The following EIF4E2 variants were observed in gnomAD, a reference collection of about 807,000 sequenced individuals.
EIF4E2 encodes eukaryotic translation initiation factor 4E family member 2.
A neutral mutation model predicts 34.2 loss-of-function variants in EIF4E2; 13 were observed. The ratio of observed to expected loss-of-function variants is 0.38; its 90% confidence interval spans 0.25 to 0.60. The LOEUF (loss-of-function observed/expected upper bound fraction) is 0.60. Among genes scored for constraint, EIF4E2 ranks in the 20% least tolerant of loss-of-function variants. The pLI is 0.62. For synonymous variants in EIF4E2, 100 were observed against 106.6 expected (o/e 0.94, Z 0.38); for missense variants, 222 against 315.1 (o/e 0.70, Z 2.24).
chr2:232,573,843 G>C (rs1192095468), downstream of EIF4E2: 1 of 354,014 alleles, frequency 2.8e-6, no homozygotes, highest in Non-Finnish European at 5.6e-6. Context: ...TTTACCCTCA[G>C]TGAGGCCTGA....
At chr2:232,576,009 T>C (rs182585964) in intron 6 of EIF4E2, among the ~76,000 whole-genome samples, 5 of 152,090 alleles carry the variant, frequency 3.3e-5, no homozygotes, top group Non-Finnish European at 5.9e-5. Context: ...ATCGAGACCA[T>C]CCTGGCCAAC....
chr2:232,568,898 C>G (rs1235628324), intron 6 of EIF4E2, 47 bp from the exon 7 acceptor site: 3 of 1,613,052 alleles, frequency 1.9e-6, no homozygotes, highest in Non-Finnish European at 2.5e-6. Flanking sequence ...CCTTGCGTCC[C>G]CCTCTCTTTC....
At chr2:232,573,927 G>C (rs556456871), downstream of EIF4E2, 1 of 471,008 alleles carries the variant, frequency 2.1e-6, no homozygotes, top group African/African-American at 2.0e-5. Context: ...ACTGTAAATT[G>C]GAAGTGTTTT....
intron 3 of EIF4E2, among the ~76,000 whole-genome samples, chr2:232,559,824 T>TAA (rs576233672): frequency 1.0e-4 from 12 of 115,504 alleles, no homozygotes; most frequent in Non-Finnish European, 1.8e-4. Flanking sequence ...ACGGGAGCAT[T>TAA]AAAAAAAAAA....
chr2:232,558,165 A>C (rs974371869), intron 3 of EIF4E2, 147 bp downstream of exon 3: 72 of 1,040,456 alleles, frequency 6.9e-5, no homozygotes, highest in Admixed American at 3.0e-4. Context: ...AGATTTGTTC[A>C]TTCTTAGGTT....
intron 3 of EIF4E2, among the ~76,000 whole-genome samples, chr2:232,562,081 G>A (rs1476678183): frequency 6.6e-6 from 1 of 152,002 alleles, no homozygotes; most frequent in Admixed American, 6.6e-5. Flanking sequence ...TGGGCATGGT[G>A]GTGCCCACTT....
At chr2:232,571,303 A>C (rs922373788), downstream of EIF4E2, among the ~76,000 whole-genome samples, 1 of 152,210 alleles carries the variant, frequency 6.6e-6, no homozygotes, top group Non-Finnish European at 1.5e-5. Flanking sequence ...GACGTGGACA[A>C]CTTGTTAAAC....
chr2:232,568,086 A>G, intron 6 of EIF4E2: 2 of 985,420 alleles, frequency 2.0e-6, no homozygotes. Context: ...AGGCTGATTT[A>G]ATCTTTAACT....
At chr2:232,560,984 G>T (rs752939761) in intron 3 of EIF4E2, among the ~76,000 whole-genome samples, 1 of 152,152 alleles carries the variant, frequency 6.6e-6, no homozygotes, top group East Asian at 1.9e-4. Context: ...TCCTGTCCTT[G>T]GGGAAATAAG....
chr2:232,551,909 G>A (rs1559310892), intron 1 of EIF4E2, among the ~76,000 whole-genome samples: 3 of 152,010 alleles, frequency 2.0e-5, no homozygotes, highest in Non-Finnish European at 4.4e-5. Context: ...GAAAGTCTTT[G>A]CCCGACCTCT....
intron 6 of EIF4E2, 189 bp downstream of exon 6, chr2:232,567,403 AC>A (rs1169486390): frequency 7.1e-7 from 1 of 1,405,260 alleles, no homozygotes; most frequent in African/African-American, 1.5e-5. Context: ...CACCTATACT[AC>A]CAGGTGCTTT....
At chr2:232,560,560 G>C (rs1692687794) in intron 3 of EIF4E2, among the ~76,000 whole-genome samples, 1 of 152,150 alleles carries the variant, frequency 6.6e-6, no homozygotes, top group Non-Finnish European at 1.5e-5. Context: ...AGGATGACTT[G>C]ATCTCAAGAG....
Position 232,568,991 on chromosome 2 carries a change from T to C in EIF4E2, c.712T>C (p.Trp238Arg), listed in dbSNP as rs746156300. The C allele has an allele frequency of 6.8e-6, 11 of 1,614,086 alleles. No homozygotes were observed. The Admixed American group carries it at 1.0e-4, about 15-fold the overall frequency. The change falls in exon 7 of 7, where the codon TGG becomes CGG. Residue 238 changes from tryptophan to arginine, a missense_variant. Physicochemically the swap from Trp to Arg is moderately radical, Grantham distance 101 (BLOSUM62 -3). Transcript: ENST00000258416. ...CCAAAGGCTCCTTTTTCAAAACCTC[T>C]GGAAGCCGCGGTTGAATGTGCCATG... ...GPQRLLFQNL[W>R]KPRLNVP
chr2:232,561,393 A>C (rs1321605660), intron 3 of EIF4E2, among the ~76,000 whole-genome samples: 1 of 151,756 alleles, frequency 6.6e-6, no homozygotes, highest in East Asian at 1.9e-4. Flanking sequence ...GTTTCAGTGT[A>C]TATGTTAAGG....
chr2:232,573,418 G>A (rs1409253065), downstream of EIF4E2, among the ~76,000 whole-genome samples: 1 of 152,130 alleles, frequency 6.6e-6, no homozygotes, highest in African/African-American at 2.4e-5. Context: ...CTGAAAAGTG[G>A]CTAGGGCTTA....
chr2:232,550,906 G>A, intron 1 of EIF4E2, 162 bp downstream of exon 1: 1 of 728,992 alleles, frequency 1.4e-6, no homozygotes, highest in Non-Finnish European at 2.2e-6. Flanking sequence ...AGGGGGCTGG[G>A]GAGCAATGGA....
At chr2:232,560,640 C>G (rs1270523488) in intron 3 of EIF4E2, among the ~76,000 whole-genome samples, 1 of 152,020 alleles carries the variant, frequency 6.6e-6, no homozygotes, top group Non-Finnish European at 1.5e-5. Context: ...CAAAACTTTT[C>G]TGCTTCAAAG....
chr2:232,555,819 A>G (rs1559312914), intron 1 of EIF4E2, among the ~76,000 whole-genome samples: 1 of 152,244 alleles, frequency 6.6e-6, no homozygotes, highest in Non-Finnish European at 1.5e-5. Context: ...CTTAGAGGGT[A>G]GGCATCAAAA....
chr2:232,568,340 T>C (rs1693006392), intron 6 of EIF4E2: 1 of 985,292 alleles, frequency 1.0e-6, no homozygotes, highest in Non-Finnish European at 1.2e-6. Context: ...CTATGGGCGT[T>C]GGTCCATGAT....
Sources: gnomAD v4.1 joint callset for allele counts (sites outside exome capture counted in the v4.1 genomes callset) on GRCh38, gnomAD v4.1.1 for gene constraint, MANE v1.5 for transcripts, NCBI Gene and HGNC (gene_info 2026-07-23, HGNC 2026-07-21) for gene names.